The following NLRP1 variants were observed in gnomAD, a reference collection of about 807,000 sequenced individuals.
NLRP1 encodes the protein NACHT, LRR and PYD domains-containing protein 1.
Under a neutral mutation model 136.7 loss-of-function variants are expected in NLRP1, and 94 were observed. The observed-to-expected ratio is 0.69, with a 90% CI of 0.58 to 0.82. NLRP1 has a LOEUF of 0.82. NLRP1 is among the 40% of genes least tolerant of loss of function. The probability of loss-of-function intolerance (pLI) is 0.00; values close to 1 mark genes in which losing one functional copy is unlikely to be tolerated. For synonymous variants in NLRP1, 690 were observed against 725.1 expected (o/e 0.95, Z 0.78); for missense variants, 1,575 against 1,802.7 (o/e 0.87, Z 2.29).
chr17:5,510,821 C>T (rs757995429), downstream of NLRP1, among the ~76,000 whole-genome samples: 7 of 152,112 alleles, frequency 4.6e-5, no homozygotes, highest in South Asian at 4.1e-4. Context: ...GTGCGTATTT[C>T]GTATCTCCTT....
Position 5,584,143 on chromosome 17 carries a change from G to A in NLRP1, c.-186C>T. On this transcript the variant is annotated 5_prime_UTR_variant, in exon 1 of 17. Coordinates refer to ENST00000572272, the MANE Select transcript of NLRP1 (RefSeq NM_033004.4). Reference sequence around the variant, plus strand: ...CGATAGAGGGGGAGTGGTAGGAAAAGCCAGGGGAGGGAGGAGCCCAGAGGG... The same window carrying A: ...CGATAGAGGGGGAGTGGTAGGAAAAACCAGGGGAGGGAGGAGCCCAGAGGG... 1 of 629,378 alleles carries A rather than the reference G, an allele frequency of 1.6e-6. No homozygotes were observed. Among genetic ancestry groups the A allele is most frequent in the Non-Finnish European group, 2.7e-6 (1 of 365,894 alleles). The allele number at this position is 629,378 out of a possible 1,614,324, so 39.0% of individuals were successfully genotyped here. A position where few individuals can be genotyped will look rare whatever the true frequency, so the allele number is the denominator to read the frequency against.
Position 5,558,518 on chromosome 17 carries a change from C to A in NLRP1, c.2178G>T (p.Arg726=). ...LESLHCLYET[R]NKTFLTQVMA... is the part of the protein sequence containing the mutation. The stretch of plus-strand genomic sequence containing the variant: ...TCACTTGTGTCAGGAACGTTTTGTT[C>A]CGAGTCTCGTACAAGCAGTGGAGGG... The change falls in exon 4 of 17, where the codon CGG becomes CGT. Residue 726 remains arginine (R), a synonymous_variant. Transcript: ENST00000572272. The A allele has an allele frequency of 1.9e-6, 3 of 1,613,962 alleles. No homozygotes were observed. Among genetic ancestry groups the A allele is most frequent in the Non-Finnish European group, 2.5e-6 (3 of 1,179,986 alleles).
chr17:5,574,237 G>A (rs1377486020), intron 3 of NLRP1, among the ~76,000 whole-genome samples: 1 of 152,118 alleles, frequency 6.6e-6, no homozygotes, highest in African/African-American at 2.4e-5. Context: ...TGAAATGAAG[G>A]AAGAAGAGAA....
intron 16 of NLRP1, 148 bp from the exon 17 acceptor site, chr17:5,515,221 C>T (rs1251072993): frequency 6.8e-6 from 6 of 877,544 alleles, no homozygotes; most frequent in East Asian, 2.6e-5. Flanking sequence ...TCTAGCTTGG[C>T]ATTCTGCCAG....
chr17:5,513,010 C>T (rs186713489), downstream of NLRP1, among the ~76,000 whole-genome samples: 79 of 152,316 alleles, frequency 5.2e-4, no homozygotes, highest in African/African-American at 1.9e-3. Flanking sequence ...TCTCCTGAGG[C>T]CCTGCAAGCT....
chr17:5,582,878 C>T, intron 1 of NLRP1, 32 bp from the exon 2 acceptor site: 3 of 1,551,874 alleles, frequency 1.9e-6, no homozygotes, highest in Non-Finnish European at 2.6e-6. Flanking sequence ...GTTGGAGACA[C>T]ATCAGAGGGG....
chr17:5,507,582 T>C (rs1486039652), intron 15 of NLRP1, among the ~76,000 whole-genome samples: 1 of 151,746 alleles, frequency 6.6e-6, no homozygotes, highest in African/African-American at 2.4e-5. Context: ...GTAATCCCAC[T>C]GGGAGGCCGA....
intron 3 of NLRP1, among the ~76,000 whole-genome samples, chr17:5,566,661 A>C (rs1915366884): frequency 6.6e-6 from 1 of 152,120 alleles, no homozygotes; most frequent in African/African-American, 2.4e-5. Context: ...ATGTTCTGTA[A>C]ATATCTATTA....
chr17:5,543,090 A>G (rs995597049), intron 5 of NLRP1, among the ~76,000 whole-genome samples: 1 of 152,110 alleles, frequency 6.6e-6, no homozygotes, highest in African/African-American at 2.4e-5. Flanking sequence ...TCAGCCTCCC[A>G]AAGTGTTAGG....
At chr17:5,520,074 C>G (rs900751578) in intron 14 of NLRP1, among the ~76,000 whole-genome samples, 4 of 151,540 alleles carry the variant, frequency 2.6e-5, no homozygotes, top group African/African-American at 9.7e-5. Context: ...CCAGGCTGGT[C>G]TCGAACTCCT....
downstream of NLRP1, among the ~76,000 whole-genome samples, chr17:5,510,293 C>T (rs1372541044): frequency 1.3e-5 from 2 of 152,020 alleles, no homozygotes; most frequent in African/African-American, 2.4e-5. Flanking sequence ...CTCAAGGGAC[C>T]CTTCTGCCTC....
intron 5 of NLRP1, among the ~76,000 whole-genome samples, chr17:5,549,277 GTT>G (rs71370070): frequency 6.3e-5 from 9 of 143,732 alleles, no homozygotes; most frequent in South Asian, 2.2e-4. Context: ...GAAATCATTA[GTT>G]TTTTTTTTTT....
At chr17:5,526,526 G>A (rs1909575193) in intron 12 of NLRP1, among the ~76,000 whole-genome samples, 1 of 152,130 alleles carries the variant, frequency 6.6e-6, no homozygotes, top group African/African-American at 2.4e-5. Context: ...GCACAGAGAG[G>A]AGCAAGTGTG....
At chr17:5,550,316 A>G (rs1913177727) in intron 5 of NLRP1, among the ~76,000 whole-genome samples, 3 of 152,200 alleles carry the variant, frequency 2.0e-5, no homozygotes, top group Admixed American at 2.0e-4. Flanking sequence ...TAGTAAAGCC[A>G]TCTGGGCCTG....
chr17:5,503,735 A>G (rs1016969734), intron 15 of NLRP1: 4 of 152,200 alleles, frequency 2.6e-5, no homozygotes, highest in African/African-American at 9.7e-5. Context: ...CTGACAGGAC[A>G]GATACTGGAA....
chr17:5,542,310 C>G (rs1911973273), intron 5 of NLRP1, among the ~76,000 whole-genome samples: 1 of 152,146 alleles, frequency 6.6e-6, no homozygotes, highest in African/African-American at 2.4e-5. Flanking sequence ...GCTCTGGGGA[C>G]TTGGATCCTC....
In NLRP1 at chr17:5,553,385, C is replaced by G. The variant is rs201533070; in HGVS notation, c.2528+1G>C. 29 of 1,610,976 alleles carry G rather than the reference C, an allele frequency of 1.8e-5. No homozygotes were observed. The highest frequency in any genetic ancestry group is 6.7e-5 in the Admixed American group (4 of 59,920). On this transcript the variant is annotated splice_donor_variant, in intron 5 of 16. Transcript: ENST00000572272. LOFTEE classifies it high-confidence loss of function. ...CAGAACAGAACCCAGGCCAGACTCA[C>G]CGCAGGGTCTCCAGGAGGCAGCGAG...
chr17:5,542,293 C>A (rs1428482360), intron 5 of NLRP1, among the ~76,000 whole-genome samples: 1 of 152,140 alleles, frequency 6.6e-6, no homozygotes, highest in African/African-American at 2.4e-5. Flanking sequence ...TTTTCCTGGT[C>A]TACAGGGCTC....
chr17:5,558,411 C>A lies in NLRP1; in HGVS notation c.2285G>T (p.Arg762Leu), dbSNP rs201522159. 1.2e-6 allele frequency: 2 copies of A among 1,613,906 alleles called. No individual in the cohort carries two copies. The highest frequency in any genetic ancestry group is 2.7e-5 in the African/African-American group (2 of 74,866). ...AATCAGCTGAAGCTTCTTCACGTGGCGGCTGAATTTAATGCAGAAAGTGCA... is the reference window on the plus strand; with the variant it reads ...AATCAGCTGAAGCTTCTTCACGTGGAGGCTGAATTTAATGCAGAAAGTGCA... The part of the protein sequence containing the change: ...LVCTFCIKFS[R>L]HVKKLQLIEG... The change falls in exon 4 of 17, where the codon CGC (arginine) becomes CTC (leucine). Residue 762 changes from arginine to leucine, a missense_variant. Physicochemically the swap from Arg to Leu is moderately radical, Grantham distance 102. Transcript: ENST00000572272.
Sources: allele counts gnomAD v4.1 joint callset (sites outside exome capture counted in the v4.1 genomes callset), GRCh38; gene constraint gnomAD v4.1.1; transcripts MANE v1.5; gene names NCBI Gene and HGNC (gene_info 2026-07-23, HGNC 2026-07-21).